Variants in DRC3 observed in about 807,000 individuals in gnomAD.
DRC3 encodes dynein regulatory complex subunit 3.
DRC3 carries 45 observed loss-of-function variants against 57.6 expected under a neutral mutation model. The observed-to-expected ratio is 0.78, with a 90% CI of 0.62 to 1.00. The LOEUF (loss-of-function observed/expected upper bound fraction) is 1.00, where lower values mean the gene tolerates loss of function less well. Ranked by LOEUF, DRC3 falls within the 50% of genes least tolerant of loss-of-function variation. The pLI is 0.00. For synonymous variants in DRC3, 257 were observed against 272.3 expected, an observed-to-expected ratio of 0.94 and a Z score of 0.55; for missense variants, 655 against 675.2, an observed-to-expected ratio of 0.97 and a Z score of 0.33.
At position 18,016,551 on chromosome 17, in the gene DRC3, T is replaced by C. The variant is rs770147379; in HGVS notation, c.1459-7T>C. 2 of 1,602,564 alleles carry C rather than the reference T, an allele frequency of 1.2e-6. No homozygotes were observed. The highest frequency in any genetic ancestry group is 2.2e-5 in the South Asian group (2 of 90,566). On this transcript the variant is annotated splice_region_variant and splice_polypyrimidine_tract_variant and intron_variant, in intron 13 of 13. Coordinates refer to ENST00000399187, the MANE Select transcript of DRC3 (RefSeq NM_031294.4). ...GTAAGGAATCGGGCTTTGGTTTCACTCCTCAGATTCACAAGGATGAGATCA... is the reference window on the plus strand; with the variant it reads ...GTAAGGAATCGGGCTTTGGTTTCACCCCTCAGATTCACAAGGATGAGATCA...
At position 17,994,215 on chromosome 17, in the gene DRC3, T is replaced by TGCAGCATGGCAGAG; in HGVS notation, c.592-81_592-68dup. 3 of 1,507,710 alleles carry TGCAGCATGGCAGAG rather than the reference T, an allele frequency of 2.0e-6. No homozygotes were observed. In the South Asian group the frequency reaches 3.7e-5, roughly 19 times the overall value. 93.4% of individuals were successfully genotyped at this position (1,507,710 alleles called of 1,614,324 possible). A position where few individuals can be genotyped will look rare whatever the true frequency, so the allele number is the denominator to read the frequency against. ...ACACCCCTGCCCATGCGCGGGAGGC[T>TGCAGCATGGCAGAG]GCAGCATGGCAGAGGCGGCATGGCA... On this transcript the variant is annotated intron_variant, in intron 6 of 13. Coordinates refer to ENST00000399187, the MANE Select transcript of DRC3 (RefSeq NM_031294.4).
At chr17:17,976,673 C>T (rs1162472512) in intron 2 of DRC3, among the ~76,000 whole-genome samples, 3 of 150,880 alleles carry the variant, frequency 2.0e-5, no homozygotes, top group Non-Finnish European at 3.0e-5. Flanking sequence ...GACTCTGTCT[C>T]AAAAAAAATA....
At chr17:17,992,970 T>A (rs1175901867) in intron 6 of DRC3, 59 bp downstream of exon 6, 1 of 1,597,526 alleles carries the variant, frequency 6.3e-7, no homozygotes, top group East Asian at 2.2e-5. Flanking sequence ...AGCCCCCAGG[T>A]TTCTTGGAAA....
intron 11 of DRC3, 188 bp from the exon 12 acceptor site, chr17:18,006,824 GCCGAGGGTCCGT>G (rs2043969500): frequency 1.4e-6 from 1 of 699,048 alleles, no homozygotes; most frequent in African/African-American, 1.8e-5. Flanking sequence ...GATGGCAGGG[GCCGAGGGTCCGT>G]CCGAGGTGTG....
At chr17:17,991,098 T>C (rs1408313811) in intron 5 of DRC3, among the ~76,000 whole-genome samples, 1 of 152,294 alleles carries the variant, frequency 6.6e-6, no homozygotes, top group Non-Finnish European at 1.5e-5. Flanking sequence ...CCACTGTATC[T>C]TCATAATTTA....
chr17:17,987,644 T>G (rs1392274000), intron 4 of DRC3, among the ~76,000 whole-genome samples: 1 of 152,150 alleles, frequency 6.6e-6, no homozygotes, highest in Non-Finnish European at 1.5e-5. Context: ...GGGTTAGTAT[T>G]TTCCTCCCAG....
At chr17:17,997,426 G>C in intron 8 of DRC3, 34 bp from the exon 9 acceptor site, 1 of 1,608,794 alleles carries the variant, frequency 6.2e-7, no homozygotes, top group Non-Finnish European at 8.5e-7. Flanking sequence ...GCCTGCTCCT[G>C]AAACAGCTGT....
At chr17:17,974,011 A>G (rs2042265106) in intron 2 of DRC3, 49 bp downstream of exon 2, 3 of 152,286 alleles carry the variant, frequency 2.0e-5, no homozygotes. Context: ...AGATCCCCAT[A>G]GAAGAGGACT....
At chr17:18,007,910 CTT>C in intron 12 of DRC3, 1 of 945,074 alleles carries the variant, frequency 1.1e-6, no homozygotes, top group Non-Finnish European at 1.3e-6. Context: ...CTGCTTGCCT[CTT>C]TACTGTCCTC....
chr17:18,007,192 C>A, intron 12 of DRC3, 45 bp downstream of exon 12: 1 of 29,452 alleles, frequency 3.4e-5, no homozygotes, highest in Non-Finnish European at 5.6e-5. Flanking sequence ...GTGGTCCAGC[C>A]CAGCTCTGTG....
rs1296962337 is a variant in DRC3 at position 17,973,868 on chromosome 17, T to G, written c.-112T>G. ...ATTTCCCAGGAAAATTCTGGATCTG[T>G]TATCTGTGAGGAGGCCACTCCGTTG... is the stretch of plus-strand genomic sequence containing the variant. On this transcript the variant is annotated 5_prime_UTR_variant, in exon 2 of 14. Coordinates refer to ENST00000399187, the MANE Select transcript of DRC3 (RefSeq NM_031294.4). 6.6e-6 allele frequency: 1 copy of G among 152,242 alleles called. No homozygotes were observed. Among genetic ancestry groups the G allele is most frequent in the Non-Finnish European group, 1.5e-5 (1 of 68,040 alleles). 9.4% of individuals were successfully genotyped at this position (152,242 alleles called of 1,614,324 possible). A position where few individuals can be genotyped will look rare whatever the true frequency, so the allele number is the denominator to read the frequency against.
rs1184503635 is a variant in DRC3 at position 17,995,093 on chromosome 17, T to C, written c.806T>C (p.Val269Ala). Residue 269 changes from valine (V) to alanine (A), a missense_variant, in exon 8 of 14, where the codon GTC becomes GCC. Transcript: ENST00000399187. ...EGNNLSYLPG[V>A]GELLETYKDK... ...AACAATCTGTCCTACCTGCCTGGTG[T>C]CGGTGAGCTCCTTGAGACATATCCT... is the stretch of plus-strand genomic sequence containing the variant. The C allele has an allele frequency of 6.2e-7, 1 of 1,613,472 alleles. No homozygotes were observed. Among genetic ancestry groups the C allele is most frequent in the Non-Finnish European group, 8.5e-7 (1 of 1,179,404 alleles).
At chr17:17,979,954 C>T (rs896531532) in intron 3 of DRC3, among the ~76,000 whole-genome samples, 2 of 151,910 alleles carry the variant, frequency 1.3e-5, no homozygotes, top group Admixed American at 6.6e-5. Flanking sequence ...AAGGGCAGTC[C>T]CACCCAGCCC....
chr17:17,990,008 T>C (rs1237317014), intron 5 of DRC3, among the ~76,000 whole-genome samples: 2 of 152,082 alleles, frequency 1.3e-5, no homozygotes, highest in Admixed American at 6.6e-5. Flanking sequence ...AGGACGTGAG[T>C]TCCTTCTGCC....
rs749964191 is a variant in DRC3, at chr17:18,007,061, G to C, written c.1240G>C (p.Glu414Gln). 2 of 1,563,048 alleles carry C rather than the reference G, an allele frequency of 1.3e-6. No individual in the cohort carries two copies. Among genetic ancestry groups the C allele is most frequent in the Non-Finnish European group, 8.7e-7 (1 of 1,155,090 alleles). The change falls in exon 12 of 14, where the codon GAG becomes CAG. Residue 414 changes from glutamate (E) to glutamine (Q), a missense_variant. Glu to Gln is a conservative substitution (Grantham distance 29). Transcript: ENST00000399187. ...QCRDLENHHH[E>Q]KLLEISISTL... ...CCGGGACCTGGAGAATCACCACCACGAGAAGCTCCTGGAGATCTCTATCAG... is the reference window on the plus strand; with the variant it reads ...CCGGGACCTGGAGAATCACCACCACCAGAAGCTCCTGGAGATCTCTATCAG...
chr17:17,976,850 T>C (rs958756827), intron 2 of DRC3, among the ~76,000 whole-genome samples: 2 of 152,162 alleles, frequency 1.3e-5, no homozygotes, highest in Admixed American at 6.5e-5. Context: ...GTCCTTTGTC[T>C]TTTGTTTTCT....
Position 17,997,559 on chromosome 17 carries a change from T to C in DRC3, c.924T>C (p.Cys308=). 6.2e-7 allele frequency: 1 copy of C among 1,610,774 alleles called. No individual in the cohort carries two copies. The highest frequency in any genetic ancestry group is 1.3e-5 in the African/African-American group (1 of 74,874). The part of the protein sequence containing the change: ...RKTELDTFSE[C]VREAIQENQE... Reference sequence around the variant, plus strand: ...CAGAGCTTGACACCTTCAGTGAATGTGTCCGTGAGGCCATCCAGGAAAACC... The same window carrying C: ...CAGAGCTTGACACCTTCAGTGAATGCGTCCGTGAGGCCATCCAGGAAAACC... The change falls in exon 9 of 14, where the codon TGT becomes TGC. Residue 308 remains cysteine (C), a synonymous_variant. Coordinates refer to ENST00000399187, the MANE Select transcript of DRC3 (RefSeq NM_031294.4).
At chr17:18,001,937 C>T (rs960486349) in intron 9 of DRC3, among the ~76,000 whole-genome samples, 14 of 151,186 alleles carry the variant, frequency 9.3e-5, no homozygotes, top group African/African-American at 1.2e-4. Flanking sequence ...GAGACCAAGG[C>T]GGGCGGGTCA....
At chr17:17,979,689 G>A (rs1277569177) in intron 3 of DRC3, among the ~76,000 whole-genome samples, 1 of 152,222 alleles carries the variant, frequency 6.6e-6, no homozygotes, top group Non-Finnish European at 1.5e-5. Context: ...GTGTGCAGGA[G>A]CCACAGGGGG....
Sources: allele counts gnomAD v4.1 joint callset (sites outside exome capture counted in the v4.1 genomes callset), GRCh38; gene constraint gnomAD v4.1.1; transcripts MANE v1.5; gene names NCBI Gene and HGNC (gene_info 2026-07-23, HGNC 2026-07-21).